The following WNK1 variants were observed in gnomAD, a reference collection of about 807,000 sequenced individuals.
WNK1 encodes serine/threonine-protein kinase WNK1.
In WNK1, 38 loss-of-function variants were observed where a neutral mutation model predicts 222.8. The observed-to-expected ratio is 0.17, with a 90% CI of 0.13 to 0.22. The LOEUF is 0.22. Ranked by LOEUF, WNK1 falls within the 10% of genes least tolerant of loss-of-function variation. The probability of loss-of-function intolerance (pLI) is 1.00; values close to 1 mark genes in which losing one functional copy is unlikely to be tolerated. For synonymous variants in WNK1, 1,090 were observed against 1,092.9 expected (o/e 1.00, Z 0.05); for missense variants, 2,348 against 2,918.4 (o/e 0.80, Z 4.50).
intron 8 of WNK1, among the ~76,000 whole-genome samples, chr12:869,654 A>G (rs985959430): frequency 2.0e-5 from 3 of 152,146 alleles, no homozygotes; most frequent in Admixed American, 1.3e-4. Flanking sequence ...AGAAAAGGAA[A>G]CAGTTTAGGA....
chr12:866,549 A>T (rs1592087510), intron 8 of WNK1, among the ~76,000 whole-genome samples: 1 of 152,000 alleles, frequency 6.6e-6, no homozygotes, highest in Non-Finnish European at 1.5e-5. Context: ...TTTAGTAGAG[A>T]TGGGTTTCAC....
chr12:887,081 G>A, intron 19 of WNK1, 140 bp from the exon 20 acceptor site: 1 of 801,574 alleles, frequency 1.2e-6, no homozygotes. Flanking sequence ...ATACCAGAGA[G>A]TAACCTCAGT....
At chr12:765,339 G>A (rs903101596) in intron 1 of WNK1, among the ~76,000 whole-genome samples, 2 of 146,386 alleles carry the variant, frequency 1.4e-5, no homozygotes, top group African/African-American at 4.9e-5. Flanking sequence ...CTTGGGCCCA[G>A]GAGTTCAAGA....
In WNK1 at chr12:774,018, A is replaced by G. The variant is rs556832293; in HGVS notation, c.759+19694A>G. Among the ~76,000 whole-genome samples, 3 of 152,290 alleles carry G rather than the reference A, an allele frequency of 2.0e-5. No individual in the cohort carries two copies. The South Asian group carries it at 6.2e-4, about 32-fold the overall frequency. ...GTATCCTTACCTAATTGAGATGGCC[A>G]TTATTTCCCTGCACAAATCCCCCTC... On this transcript the variant is annotated intron_variant, in intron 1 of 27. Transcript: ENST00000315939.
rs1460589191 is a variant in WNK1, at chr12:894,375, T to G, written c.5510-187T>G. On this transcript the variant is annotated intron_variant, in intron 22 of 27. Transcript: ENST00000315939. ...TAATGTTGTAGTTGGTATCTAGTAG[T>G]AGAGCAAACAATAACTCTTTTCCCC... is the stretch of plus-strand genomic sequence containing the variant. Among the ~76,000 whole-genome samples, 6 of 152,320 alleles carry G rather than the reference T, an allele frequency of 3.9e-5. No individual in the cohort carries two copies. The East Asian group carries it at 1.2e-3, about 29-fold the overall frequency.
At chr12:830,181 T>C in intron 4 of WNK1, 21 bp downstream of exon 4, 1 of 1,613,594 alleles carries the variant, frequency 6.2e-7, no homozygotes, top group Non-Finnish European at 8.5e-7. Context: ...CCCTAACTGA[T>C]TGTTGAACTT....
intron 1 of WNK1, among the ~76,000 whole-genome samples, chr12:809,533 T>C (rs1946718449): frequency 6.6e-6 from 1 of 152,206 alleles, no homozygotes; most frequent in South Asian, 2.1e-4. Context: ...AATTTTTATA[T>C]TATACTTCAA....
Position 822,117 on chromosome 12 carries a change from G to A in WNK1, c.933-4925G>A, listed in dbSNP as rs1459228787. On this transcript the variant is annotated intron_variant, in intron 2 of 27. Transcript: ENST00000315939. ...TTTTTTTTTTTTTTTTTTTTGAGAC[G>A]GAGCCTCGCTCTGTTGCCCAGACTG... Among the ~76,000 whole-genome samples, 132 of 104,294 alleles carry A rather than the reference G, an allele frequency of 1.3e-3. 2 individuals are homozygous for A. Among genetic ancestry groups the A allele is most frequent in the Middle Eastern group, 0.018 (2 of 112 alleles). The allele number at this position is 104,294 out of a possible 152,430, so 68.4% of individuals were successfully genotyped here. A position where few individuals can be genotyped will look rare whatever the true frequency, so the allele number is the denominator to read the frequency against.
intron 7 of WNK1, 54 bp downstream of exon 7, chr12:861,397 T>C: frequency 6.4e-7 from 1 of 1,567,346 alleles, no homozygotes; most frequent in Non-Finnish European, 8.8e-7. Context: ...AATTGGTTTT[T>C]TTAGCTTCTT....
chr12:900,651 C>T lies in WNK1; in HGVS notation c.6624C>T (p.Ser2208=), dbSNP rs72650768. 27 of 1,614,174 alleles carry T rather than the reference C, an allele frequency of 1.7e-5. No homozygotes were observed. In the African/African-American group the frequency reaches 2.8e-4, roughly 17 times the overall value. The change falls in exon 26 of 28, where the codon AGC becomes AGT. Residue 2208 remains serine, a synonymous_variant. Coordinates refer to ENST00000315939, the MANE Select transcript of WNK1 (RefSeq NM_018979.4). ...GTGATGGTGCCATTTCAGTACCAAG[C>T]CTTTCTGCTCCAGGTCAAGGTAATA... is the stretch of plus-strand genomic sequence containing the variant. ...FTSDGAISVP[S]LSAPGQGTSS... is the part of the protein sequence containing the mutation.
intron 16 of WNK1, 97 bp from the exon 17 acceptor site, chr12:883,677 A>T (rs1256002633): frequency 6.3e-7 from 1 of 1,598,854 alleles, no homozygotes; most frequent in Admixed American, 1.7e-5. Flanking sequence ...CATGACCGAC[A>T]ACAAACTTTT....
chr12:766,088 A>G (rs372508226), intron 1 of WNK1, among the ~76,000 whole-genome samples: 3 of 152,126 alleles, frequency 2.0e-5, no homozygotes, highest in South Asian at 4.1e-4. Flanking sequence ...AGTAGAGACA[A>G]TAAGTGTAGG....
intron 1 of WNK1, 107 bp from the exon 2 acceptor site, chr12:813,527 GCATTTTTT>G: frequency 9.1e-7 from 1 of 1,099,286 alleles, no homozygotes; most frequent in Non-Finnish European, 1.3e-6. Context: ...TTCAGCATTT[GCATTTTTT>G]AAACACCATC....
At chr12:903,524 A>T (rs1955446778) in intron 26 of WNK1, among the ~76,000 whole-genome samples, 1 of 152,188 alleles carries the variant, frequency 6.6e-6, no homozygotes, top group Admixed American at 6.5e-5. Flanking sequence ...AAGAGAACCA[A>T]AGCTTCTGTT....
Position 890,585 on chromosome 12 carries a change from G to A in WNK1, c.5509+72G>A, listed in dbSNP as rs917042965. On this transcript the variant is annotated intron_variant, in intron 22 of 27. Coordinates refer to ENST00000315939, the MANE Select transcript of WNK1 (RefSeq NM_018979.4). ...CCGTAGTTGATTCAGGAGGTTTACCGTTTCAAAGACACATTTCCACGTATT... is the reference window on the plus strand; with the variant it reads ...CCGTAGTTGATTCAGGAGGTTTACCATTTCAAAGACACATTTCCACGTATT... 83 of 1,544,552 alleles carry A rather than the reference G, an allele frequency of 5.4e-5. No individual in the cohort carries two copies. The Admixed American group carries it at 6.1e-4, about 11-fold the overall frequency.
At chr12:887,574 C>T (rs1272496847) in intron 20 of WNK1, among the ~76,000 whole-genome samples, 2 of 152,132 alleles carry the variant, frequency 1.3e-5, no homozygotes, top group African/African-American at 4.8e-5. Flanking sequence ...GCAAAGCAAA[C>T]ATTTTGTCAG....
At position 885,391 on chromosome 12, in the gene WNK1, A is replaced by G. The variant is rs1255700898; in HGVS notation, c.4587A>G (p.Leu1529=). 1 of 1,613,602 alleles carries G rather than the reference A, an allele frequency of 6.2e-7. No homozygotes were observed. Among genetic ancestry groups the G allele is most frequent in the Non-Finnish European group, 8.5e-7 (1 of 1,180,034 alleles). ...AETVVVSAHS[L]DKTSHSSTTG... is the part of the protein sequence containing the mutation. ...CCGTGGTAGTTAGCGCACACTCACT[A>G]GATAAGACATCTCATAGCAGTACAA... is the stretch of plus-strand genomic sequence containing the variant. Residue 1529 remains leucine (L), a synonymous_variant, in exon 19 of 28, where the codon CTA becomes CTG. Coordinates refer to ENST00000315939, the MANE Select transcript of WNK1 (RefSeq NM_018979.4).
chr12:768,415 C>T (rs1008097286), intron 1 of WNK1, among the ~76,000 whole-genome samples: 1 of 152,124 alleles, frequency 6.6e-6, no homozygotes, highest in East Asian at 1.9e-4. Context: ...GGATTACAGG[C>T]GTGAGCTACC....
intron 4 of WNK1, among the ~76,000 whole-genome samples, chr12:834,906 T>G (rs1289142632): frequency 2.0e-5 from 3 of 152,232 alleles, no homozygotes; most frequent in African/African-American, 4.8e-5. Flanking sequence ...AGAATCTTCC[T>G]TTTTAGTATT....
Sources: allele counts gnomAD v4.1 joint callset (sites outside exome capture counted in the v4.1 genomes callset), GRCh38; gene constraint gnomAD v4.1.1; transcripts MANE v1.5; gene names NCBI Gene and HGNC (gene_info 2026-07-23, HGNC 2026-07-21).